LRRTM4: variants seen among roughly 807,000 people sequenced by gnomAD.
LRRTM4 encodes leucine rich repeat transmembrane neuronal 4, also known as leucine-rich repeat transmembrane neuronal protein 4.
Under a neutral mutation model 47.6 loss-of-function variants are expected in LRRTM4, and 25 were observed. The observed-to-expected ratio is 0.53, with a 90% CI of 0.38 to 0.73. The LOEUF is 0.73. Ranked by LOEUF, LRRTM4 falls within the 30% of genes least tolerant of loss-of-function variation. The pLI is 0.00. For synonymous variants in LRRTM4, 311 were observed against 269.5 expected (o/e 1.15, Z -1.51); for missense variants, 638 against 713.4 (o/e 0.89, Z 1.20).
intron 3 of LRRTM4, among the ~76,000 whole-genome samples, chr2:77,036,692 T>C (rs1226545979): frequency 6.6e-6 from 1 of 151,738 alleles, no homozygotes; most frequent in Non-Finnish European, 1.5e-5. Flanking sequence ...TTTCAAAGAG[T>C]ACCTATTTTG....
chr2:76,977,704 G>A (rs1676465742), intron 3 of LRRTM4, among the ~76,000 whole-genome samples: 1 of 151,938 alleles, frequency 6.6e-6, no homozygotes. Flanking sequence ...CTAGGAAAAT[G>A]TGACATTTCA....
chr2:77,412,411 T>C (rs1674479222), intron 3 of LRRTM4, among the ~76,000 whole-genome samples: 1 of 152,232 alleles, frequency 6.6e-6, no homozygotes. Context: ...TTCAGCCATC[T>C]AGCAAATATT....
Position 77,248,701 on chromosome 2 carries a change from T to C in LRRTM4, c.1551+269617A>G, listed in dbSNP as rs143909658. On this transcript the variant is annotated intron_variant, in intron 3 of 3. Transcript: ENST00000409884. ...TGGTACTGGCAAAATAATCGATAAA[T>C]AGACCAATGAAACAGAACAGAAAAC... Among the ~76,000 whole-genome samples, 927 of 152,130 alleles carry C rather than the reference T, an allele frequency of 6.1e-3. 6 individuals carry two copies. Among genetic ancestry groups the C allele is most frequent in the Non-Finnish European group, 8.7e-3 (594 of 67,992 alleles).
intron 3 of LRRTM4, among the ~76,000 whole-genome samples, chr2:77,028,265 T>C (rs1678523024): frequency 1.3e-5 from 2 of 152,060 alleles, no homozygotes; most frequent in South Asian, 2.1e-4. Context: ...ATTAGGAAAG[T>C]TGGCTAGTGT....
chr2:76,874,611 G>GT (rs909456637), intron 3 of LRRTM4, among the ~76,000 whole-genome samples: 46 of 147,766 alleles, frequency 3.1e-4, no homozygotes, highest in Admixed American at 6.8e-4. Flanking sequence ...TATTTAGAAA[G>GT]TTTTTTTTTT....
chr2:77,461,601 G>T (rs573305150), intron 3 of LRRTM4, among the ~76,000 whole-genome samples: 1 of 152,184 alleles, frequency 6.6e-6, no homozygotes, highest in South Asian at 2.1e-4. Flanking sequence ...CTATTTTTGA[G>T]ATTTTCAAAG....
At chr2:77,344,228 C>T (rs1671478321) in intron 3 of LRRTM4, among the ~76,000 whole-genome samples, 1 of 151,654 alleles carries the variant, frequency 6.6e-6, no homozygotes, top group Non-Finnish European at 1.5e-5. Flanking sequence ...TAATAAAACA[C>T]ACAATTAGCA....
At chr2:76,823,585 GAATCACAGCATTATATGT>G (rs1671111497) in intron 3 of LRRTM4, among the ~76,000 whole-genome samples, 1 of 150,972 alleles carries the variant, frequency 6.6e-6, no homozygotes, top group Non-Finnish European at 1.5e-5. Flanking sequence ...ATTTCCACGT[GAATCACAGCATTATATGT>G]AATAGAATAA....
chr2:77,473,516 G>A (rs755863553), intron 3 of LRRTM4, among the ~76,000 whole-genome samples: 6 of 152,002 alleles, frequency 3.9e-5, no homozygotes, highest in Admixed American at 1.3e-4. Context: ...AGAAATGAGC[G>A]GGGCTGGTGC....
chr2:77,511,109 C>T (rs1268413256), intron 3 of LRRTM4, among the ~76,000 whole-genome samples: 1 of 151,946 alleles, frequency 6.6e-6, no homozygotes, highest in Non-Finnish European at 1.5e-5. Context: ...GTACAGACAT[C>T]CCAAAATTTG....
At chr2:76,814,808 C>T (rs2901792) in intron 3 of LRRTM4, among the ~76,000 whole-genome samples, 3 of 40,962 alleles carry the variant, frequency 7.3e-5, no homozygotes, top group African/African-American at 5.8e-4. Flanking sequence ...CACACACATA[C>T]ACACACACAC....
At chr2:77,396,142 G>T (rs896226145) in intron 3 of LRRTM4, among the ~76,000 whole-genome samples, 13 of 151,852 alleles carry the variant, frequency 8.6e-5, no homozygotes, top group African/African-American at 2.9e-4. Flanking sequence ...CCACCAAAAA[G>T]ATTTGTTCAT....
At chr2:77,064,645 G>A (rs147571799) in intron 3 of LRRTM4, among the ~76,000 whole-genome samples, 26 of 152,244 alleles carry the variant, frequency 1.7e-4, no homozygotes, top group African/African-American at 6.3e-4. Flanking sequence ...ATTAAGTTCG[G>A]GAGTGTATCA....
intron 3 of LRRTM4, among the ~76,000 whole-genome samples, chr2:77,088,044 A>T (rs1422495287): frequency 6.6e-6 from 1 of 152,214 alleles, no homozygotes; most frequent in Non-Finnish European, 1.5e-5. Flanking sequence ...AATACAAGTA[A>T]GTGTGCTGAA....
rs886446299 is a variant in LRRTM4, at chr2:76,747,838, A to C, written c.*857T>G. ...GTGTTTAGAAATTTGTCAGCTTGGC[A>C]GTTTCATTCATTGAGCCCATGGTCA... is the stretch of plus-strand genomic sequence containing the variant. On this transcript the variant is annotated 3_prime_UTR_variant, in exon 4 of 4. Transcript: ENST00000409884. 5.3e-5 allele frequency: 8 copies of C among 152,218 alleles called. No homozygotes were observed. The highest frequency in any genetic ancestry group is 1.9e-4 in the African/African-American group (8 of 41,466). The allele number at this position is 152,218 out of a possible 1,614,324, so 9.4% of individuals were successfully genotyped here. A position where few individuals can be genotyped will look rare whatever the true frequency, so the allele number is the denominator to read the frequency against.
chr2:76,852,980 G>T (rs986039672), intron 3 of LRRTM4, among the ~76,000 whole-genome samples: 1 of 152,034 alleles, frequency 6.6e-6, no homozygotes, highest in African/African-American at 2.4e-5. Context: ...CACAAGTATG[G>T]GTTATTCTAG....
chr2:77,428,355 A>G (rs897296384), intron 3 of LRRTM4, among the ~76,000 whole-genome samples: 1 of 152,236 alleles, frequency 6.6e-6, no homozygotes, highest in African/African-American at 2.4e-5. Flanking sequence ...TAACACACAC[A>G]AAAATCAGAA....
intron 3 of LRRTM4, among the ~76,000 whole-genome samples, chr2:76,887,003 T>C (rs932036469): frequency 6.6e-6 from 1 of 151,916 alleles, no homozygotes; most frequent in Non-Finnish European, 1.5e-5. Context: ...TAGCCCACAA[T>C]GTTGGAGAAT....
At chr2:77,361,664 T>C (rs756999332) in intron 3 of LRRTM4, among the ~76,000 whole-genome samples, 2 of 152,092 alleles carry the variant, frequency 1.3e-5, no homozygotes, top group Non-Finnish European at 2.9e-5. Context: ...TAAAAATAAA[T>C]ACAAATAGAC....
Sources: gnomAD v4.1 joint callset for allele counts (sites outside exome capture counted in the v4.1 genomes callset) on GRCh38, gnomAD v4.1.1 for gene constraint, MANE v1.5 for transcripts, NCBI Gene and HGNC (gene_info 2026-07-23, HGNC 2026-07-21) for gene names.